The following DMD variants were observed in gnomAD, a reference collection of about 807,000 sequenced individuals.
DMD encodes dystrophin.
A neutral mutation model predicts 330.1 loss-of-function variants in DMD; 63 were observed. The ratio of observed to expected loss-of-function variants is 0.19; its 90% confidence interval spans 0.16 to 0.24. The LOEUF (loss-of-function observed/expected upper bound fraction) is 0.24. Among genes scored for constraint, DMD ranks in the 10% least tolerant of loss-of-function variants. DMD has a pLI of 1.00. For missense variants in DMD, 3,344 were observed against 2,684.1 expected (o/e 1.25, Z -5.43); for synonymous variants, 1,223 against 959.8 (o/e 1.27, Z -5.07).
chrX:31,861,274 A>G (rs68157552), intron 48 of DMD, among the ~76,000 whole-genome samples: 34,531 of 109,896 alleles, frequency 0.31, 4,200 homozygotes, highest in African/African-American at 0.39. Context: ...CTTGTTTAGA[A>G]GATCAAAAAG....
At chrX:33,141,762 C>T (rs974058376) in intron 1 of DMD, among the ~76,000 whole-genome samples, 1 of 111,399 alleles carries the variant, frequency 9.0e-6, no homozygotes, top group Non-Finnish European at 1.9e-5. Context: ...ACTCCACATA[C>T]ACCTAATTGC....
chrX:32,894,407 G>A (rs895930342), intron 2 of DMD, among the ~76,000 whole-genome samples: 1 of 112,708 alleles, frequency 8.9e-6, no homozygotes, highest in African/African-American at 3.2e-5. Flanking sequence ...TCCAGTGGTG[G>A]CAGACTGGAC....
intron 1 of DMD, among the ~76,000 whole-genome samples, chrX:33,073,872 TA>T (rs1382083916): frequency 2.0e-5 from 2 of 102,328 alleles, no homozygotes; most frequent in Non-Finnish European, 3.9e-5. Flanking sequence ...AATAAATAAA[TA>T]AACAGCTAAG....
chrX:32,431,781 C>G (rs890761868), intron 29 of DMD, among the ~76,000 whole-genome samples: 26 of 110,761 alleles, frequency 2.3e-4, no homozygotes, highest in African/African-American at 7.9e-4. Context: ...ATACATCTTG[C>G]AATTCTAATA....
chrX:31,435,434 A>G (rs1043870755), intron 60 of DMD: 1 of 111,891 alleles, frequency 8.9e-6, no homozygotes, highest in African/African-American at 3.2e-5. Context: ...TAATATATTA[A>G]GGGAGAGGAC....
At chrX:31,464,952 G>T (rs1603129598) in intron 59 of DMD, among the ~76,000 whole-genome samples, 1 of 112,399 alleles carries the variant, frequency 8.9e-6, no homozygotes, top group Admixed American at 9.4e-5. Context: ...AGGCGGGATG[G>T]GAATAGCATG....
chrX:32,732,621 G>C (rs753235503), intron 7 of DMD, among the ~76,000 whole-genome samples: 29 of 111,266 alleles, frequency 2.6e-4, no homozygotes, highest in African/African-American at 8.2e-4. Context: ...CATTCTTAAA[G>C]AAAAGAATTT....
chrX:32,368,145 A>T (rs1360013863), intron 34 of DMD, among the ~76,000 whole-genome samples: 1 of 111,645 alleles, frequency 9.0e-6, no homozygotes, highest in Non-Finnish European at 1.9e-5. Context: ...GGAGATCTGA[A>T]ATACTAATTG....
intron 1 of DMD, among the ~76,000 whole-genome samples, chrX:33,314,801 T>C (rs1237727720): frequency 2.7e-5 from 3 of 109,383 alleles, no homozygotes; most frequent in Admixed American, 9.8e-5. Flanking sequence ...ACATCTCCTT[T>C]GACTCCTTGA....
At position 31,507,911 on chromosome X, in the gene DMD, G is replaced by C. The variant is rs189897486; in HGVS notation, c.8218-458C>G. On this transcript the variant is annotated intron_variant, in intron 55 of 78. Coordinates refer to ENST00000357033, the MANE Select transcript of DMD (RefSeq NM_004006.3). The stretch of plus-strand genomic sequence containing the variant: ...TTAACTCTGACCATAAAAGCGTGGA[G>C]AGACTAATAAACAAGATTGCACTTG... Among the ~76,000 whole-genome samples, 64 of 111,837 alleles carry C rather than the reference G, an allele frequency of 5.7e-4. 1 individual carries two copies. In the Admixed American group the frequency reaches 6.0e-3, roughly 10 times the overall value.
intron 63 of DMD, among the ~76,000 whole-genome samples, chrX:31,247,074 GTTTCC>G (rs1364323547): frequency 1.8e-5 from 2 of 111,760 alleles, no homozygotes; most frequent in Non-Finnish European, 3.8e-5. Context: ...TTCAAAATAG[GTTTCC>G]TTTCAAAATA....
intron 44 of DMD, among the ~76,000 whole-genome samples, chrX:32,108,275 T>C (rs1277438989): frequency 9.0e-6 from 1 of 111,269 alleles, no homozygotes; most frequent in Admixed American, 9.6e-5. Context: ...TTAAAAAAAA[T>C]CAGCACAAAT....
intron 43 of DMD, among the ~76,000 whole-genome samples, chrX:32,253,029 T>A (rs1480181847): frequency 6.0e-5 from 6 of 99,368 alleles, no homozygotes; most frequent in African/African-American, 2.2e-4. Flanking sequence ...CCCGATCGAT[T>A]AAGTATTGGT....
At chrX:32,721,283 G>T (rs1004625647) in intron 7 of DMD, among the ~76,000 whole-genome samples, 2 of 110,589 alleles carry the variant, frequency 1.8e-5, no homozygotes, top group African/African-American at 3.3e-5. Flanking sequence ...AACACTCCCA[G>T]ACAATTTTCC....
At chrX:32,776,029 C>T (rs1451092332) in intron 7 of DMD, among the ~76,000 whole-genome samples, 1 of 111,668 alleles carries the variant, frequency 9.0e-6, no homozygotes, top group Non-Finnish European at 1.9e-5. Context: ...CAGATTTCTG[C>T]CAGATACCCT....
chrX:32,118,443 G>A (rs1021691068), intron 44 of DMD, among the ~76,000 whole-genome samples: 2 of 111,135 alleles, frequency 1.8e-5, no homozygotes, highest in Admixed American at 9.5e-5. Flanking sequence ...TTTGGTGGTC[G>A]CAGTAAACAC....
At chrX:31,138,667 GA>G (rs2035608706) in intron 76 of DMD, among the ~76,000 whole-genome samples, 4 of 91,579 alleles carry the variant, frequency 4.4e-5, no homozygotes, top group African/African-American at 1.6e-4. Flanking sequence ...GAGAGAGAGA[GA>G]GAGAGAGAGA....
intron 7 of DMD, among the ~76,000 whole-genome samples, chrX:32,785,654 GGTTAT>G (rs2075288877): frequency 9.0e-6 from 1 of 111,181 alleles, no homozygotes; most frequent in Non-Finnish European, 1.9e-5. Context: ...GTTTTACTTA[GGTTAT>G]AACAATTTAA....
intron 59 of DMD, among the ~76,000 whole-genome samples, chrX:31,465,304 C>T (rs1019941148): frequency 3.6e-5 from 4 of 110,712 alleles, no homozygotes; most frequent in Non-Finnish European, 7.6e-5. Flanking sequence ...TTGCTGCACC[C>T]ATCAACCTGT....
Sources: allele counts gnomAD v4.1 joint callset (sites outside exome capture counted in the v4.1 genomes callset), GRCh38; gene constraint gnomAD v4.1.1; transcripts MANE v1.5; gene names NCBI Gene and HGNC (gene_info 2026-07-23, HGNC 2026-07-21).